The following LSAMP variants were observed in gnomAD, a reference collection of about 807,000 sequenced individuals.
The protein encoded by LSAMP is limbic system-associated membrane protein.
Under a neutral mutation model 38.6 loss-of-function variants are expected in LSAMP, and 7 were observed. That is an observed-to-expected ratio of 0.18 (90% CI 0.10 to 0.34). The LOEUF is 0.34. Ranked by LOEUF, LSAMP falls within the 10% of genes least tolerant of loss-of-function variation. The pLI is 1.00. For missense variants in LSAMP, 313 were observed against 420.0 expected (o/e 0.75, Z 2.23); for synonymous variants, 154 against 166.8 (o/e 0.92, Z 0.59).
intron 1 of LSAMP, among the ~76,000 whole-genome samples, chr3:116,312,562 T>C (rs914535181): frequency 3.9e-5 from 6 of 152,210 alleles, no homozygotes; most frequent in African/African-American, 1.4e-4. Flanking sequence ...TTGTATTTTT[T>C]TTCTATCATC....
Position 115,928,445 on chromosome 3 carries a change from CTG to C in LSAMP, c.515-75830_515-75829del, listed in dbSNP as rs574330367. On this transcript the variant is annotated intron_variant, in intron 3 of 6. Transcript: ENST00000490035. The stretch of plus-strand genomic sequence containing the variant: ...GATAAAAATGTCTCCTTCTCAAAGA[CTG>C]TGGGTTATAAAAAAGGCTTACACCG... Among the ~76,000 whole-genome samples the C allele has an allele frequency of 2.7e-4, 41 of 152,296 alleles. No individual in the cohort carries two copies. The South Asian group carries it at 7.3e-3, about 27-fold the overall frequency.
chr3:115,889,589 T>G (rs1197737367), intron 3 of LSAMP, among the ~76,000 whole-genome samples: 2 of 151,946 alleles, frequency 1.3e-5, no homozygotes. Flanking sequence ...CAGTTATGTA[T>G]AACATAAATG....
intron 2 of LSAMP, among the ~76,000 whole-genome samples, chr3:116,071,198 G>C (rs1017372288): frequency 6.6e-6 from 1 of 150,864 alleles, no homozygotes; most frequent in African/African-American, 2.4e-5. Flanking sequence ...AGAAGAGTAT[G>C]AACACTCAGG....
intron 1 of LSAMP, among the ~76,000 whole-genome samples, chr3:116,225,608 T>C (rs147052671): frequency 0.012 from 1,756 of 152,278 alleles, 38 homozygotes; most frequent in African/African-American, 0.04. Flanking sequence ...AAAATATACT[T>C]TGTTGACATT....
chr3:116,039,030 G>A (rs939254332), intron 2 of LSAMP, among the ~76,000 whole-genome samples: 1 of 152,102 alleles, frequency 6.6e-6, no homozygotes, highest in African/African-American at 2.4e-5. Flanking sequence ...TTCCCTGCCA[G>A]TGTTTGCAAT....
chr3:116,379,285 A>G (rs1366050026), intron 1 of LSAMP, among the ~76,000 whole-genome samples: 1 of 152,028 alleles, frequency 6.6e-6, no homozygotes, highest in Non-Finnish European at 1.5e-5. Flanking sequence ...AAAACAGACC[A>G]CTGGGATAAA....
At chr3:116,333,135 CA>C (rs1341877388) in intron 1 of LSAMP, among the ~76,000 whole-genome samples, 1 of 151,960 alleles carries the variant, frequency 6.6e-6, no homozygotes, top group Admixed American at 6.6e-5. Context: ...CTAGATCTAC[CA>C]GACATATTCA....
chr3:115,858,347 A>G (rs1935573814), intron 3 of LSAMP, among the ~76,000 whole-genome samples: 1 of 152,192 alleles, frequency 6.6e-6, no homozygotes, highest in African/African-American at 2.4e-5. Flanking sequence ...AAATTTTTTT[A>G]CAGACTATTG....
intron 3 of LSAMP, among the ~76,000 whole-genome samples, chr3:115,900,891 TC>T (rs1936857249): frequency 6.6e-6 from 1 of 152,200 alleles, no homozygotes; most frequent in South Asian, 2.1e-4. Context: ...GTTAAAAATG[TC>T]TAAAGCAGCA....
chr3:116,099,869 G>A (rs1708304887), intron 1 of LSAMP, among the ~76,000 whole-genome samples: 1 of 151,806 alleles, frequency 6.6e-6, no homozygotes, highest in Non-Finnish European at 1.5e-5. Context: ...ATACAGTGTT[G>A]GTTTTATTTA....
intron 3 of LSAMP, among the ~76,000 whole-genome samples, chr3:115,989,951 G>A (rs947889569): frequency 3.3e-5 from 5 of 152,018 alleles, no homozygotes; most frequent in Admixed American, 1.3e-4. Context: ...AGAACAACCC[G>A]TGTACATTCA....
At chr3:115,951,481 T>C (rs4831207) in intron 3 of LSAMP, among the ~76,000 whole-genome samples, 52,337 of 151,950 alleles carry the variant, frequency 0.34, 9,893 homozygotes, top group South Asian at 0.61. Flanking sequence ...TAGCGTCAAC[T>C]TGATTGGATT....
intron 1 of LSAMP, among the ~76,000 whole-genome samples, chr3:116,374,927 T>C (rs1187811308): frequency 6.6e-6 from 1 of 151,948 alleles, no homozygotes; most frequent in Middle Eastern, 3.2e-3. Context: ...AAATAAACAA[T>C]GGTTCAGTCA....
At chr3:115,973,977 C>A (rs1174560911) in intron 3 of LSAMP, among the ~76,000 whole-genome samples, 1 of 151,988 alleles carries the variant, frequency 6.6e-6, no homozygotes, top group Non-Finnish European at 1.5e-5. Flanking sequence ...ACAATGAGGT[C>A]TTGAATAAAA....
intron 1 of LSAMP, among the ~76,000 whole-genome samples, chr3:116,315,336 G>T (rs919717419): frequency 6.6e-6 from 1 of 152,080 alleles, no homozygotes; most frequent in Non-Finnish European, 1.5e-5. Flanking sequence ...AATCCCCTTT[G>T]TCCTGTATTA....
At chr3:115,858,574 G>T (rs1215194794) in intron 3 of LSAMP, among the ~76,000 whole-genome samples, 1 of 152,152 alleles carries the variant, frequency 6.6e-6, no homozygotes, top group Non-Finnish European at 1.5e-5. Flanking sequence ...ATAGGAAGAT[G>T]TGCTTGAAAT....
chr3:116,311,075 G>A (rs573732473), intron 1 of LSAMP, among the ~76,000 whole-genome samples: 10 of 151,968 alleles, frequency 6.6e-5, no homozygotes, highest in Non-Finnish European at 1.3e-4. Context: ...CAAGGGTTGA[G>A]GATCATCACT....
chr3:116,420,958 C>T (rs548945221), intron 1 of LSAMP, among the ~76,000 whole-genome samples: 1 of 152,162 alleles, frequency 6.6e-6, no homozygotes, highest in South Asian at 2.1e-4. Flanking sequence ...ACAAGTGGTG[C>T]TGGACTAATT....
chr3:116,414,262 T>C (rs1480682060), intron 1 of LSAMP, among the ~76,000 whole-genome samples: 1 of 152,064 alleles, frequency 6.6e-6, no homozygotes, highest in African/African-American at 2.4e-5. Flanking sequence ...AGACTCTTTT[T>C]CTTTCCCTAA....
Sources: allele counts gnomAD v4.1 joint callset (sites outside exome capture counted in the v4.1 genomes callset), GRCh38; gene constraint gnomAD v4.1.1; transcripts MANE v1.5; gene names NCBI Gene and HGNC (gene_info 2026-07-23, HGNC 2026-07-21).